The following RFX7 variants were observed in gnomAD, a reference collection of about 807,000 sequenced individuals.
RFX7 encodes the protein DNA-binding protein RFX7.
RFX7 carries 26 observed loss-of-function variants against 111.8 expected under a neutral mutation model. The observed-to-expected ratio is 0.23, with a 90% CI of 0.17 to 0.32. The LOEUF is 0.32. Among genes scored for constraint, RFX7 ranks in the 10% least tolerant of loss-of-function variants. The probability of loss-of-function intolerance (pLI) is 1.00; values close to 1 mark genes in which losing one functional copy is unlikely to be tolerated. For missense variants in RFX7, 1,573 were observed against 1,772.9 expected (o/e 0.89, Z 2.02); for synonymous variants, 624 against 624.4 (o/e 1.00, Z 0.01).
At position 56,172,430 on chromosome 15, in the gene RFX7, T is replaced by TA. The variant is rs533201888; in HGVS notation, c.195+6839dup. ...TTAACTATTCATGAGAATAGGCTAG[T>TA]AAAAAATAAGAAAATAAAGAAGTAG... On this transcript the variant is annotated intron_variant, in intron 3 of 9. Coordinates refer to ENST00000559447, the MANE Select transcript of RFX7 (RefSeq NM_022841.7). 3.7e-3 allele frequency among the ~76,000 whole-genome samples: 555 copies of TA among 151,984 alleles called. 1 individual carries two copies. The highest frequency in any genetic ancestry group is 5.8e-3 in the Non-Finnish European group (391 of 67,934).
At chr15:56,105,898 G>C (rs1282551577) in intron 5 of RFX7, among the ~76,000 whole-genome samples, 1 of 152,116 alleles carries the variant, frequency 6.6e-6, no homozygotes, top group African/African-American at 2.4e-5. Context: ...AAAATTGTTT[G>C]TTAAGAATTC....
At chr15:56,175,572 G>C (rs2042895235) in intron 3 of RFX7, among the ~76,000 whole-genome samples, 2 of 152,018 alleles carry the variant, frequency 1.3e-5, no homozygotes, top group Admixed American at 1.3e-4. Flanking sequence ...TAAGAGCCTA[G>C]AAAAACACCC....
intron 3 of RFX7, among the ~76,000 whole-genome samples, chr15:56,169,407 A>G (rs190117947): frequency 2.1e-3 from 319 of 152,368 alleles, no homozygotes; most frequent in Non-Finnish European, 3.6e-3. Flanking sequence ...TTAGAAACAT[A>G]TATTTATGGA....
chr15:56,235,597 C>G (rs1241808054), intron 2 of RFX7, among the ~76,000 whole-genome samples: 2 of 152,142 alleles, frequency 1.3e-5, no homozygotes, highest in African/African-American at 2.4e-5. Context: ...AGTGACTCTC[C>G]CTCCCCAAGA....
chr15:56,221,770 T>A (rs1380345487), intron 2 of RFX7, among the ~76,000 whole-genome samples: 2 of 152,228 alleles, frequency 1.3e-5, no homozygotes, highest in Non-Finnish European at 2.9e-5. Context: ...CTTAATATTG[T>A]AAGTTCATCA....
At chr15:56,188,817 G>T (rs1173354363) in intron 2 of RFX7, among the ~76,000 whole-genome samples, 4 of 152,166 alleles carry the variant, frequency 2.6e-5, no homozygotes, top group Non-Finnish European at 5.9e-5. Context: ...TAGGGTTACA[G>T]AAGCAATAAA....
chr15:56,178,401 A>G (rs539698705), intron 3 of RFX7, among the ~76,000 whole-genome samples: 4 of 152,254 alleles, frequency 2.6e-5, no homozygotes, highest in Non-Finnish European at 5.9e-5. Flanking sequence ...ACATCATACT[A>G]TTTCAGCACC....
Position 56,234,092 on chromosome 15 carries a change from C to T in RFX7, c.161+9033G>A, listed in dbSNP as rs531176047. Among the ~76,000 whole-genome samples, 66 of 152,292 alleles carry T rather than the reference C, an allele frequency of 4.3e-4. 1 individual carries two copies. The South Asian group carries it at 0.013, about 31-fold the overall frequency. On this transcript the variant is annotated intron_variant, in intron 2 of 9. Transcript: ENST00000559447. Reference sequence around the variant, plus strand: ...CCCATCCCTTGATTTTTCATTAAGGCCACTATCCTGAATTTTGTCAGTAAA... The same window carrying T: ...CCCATCCCTTGATTTTTCATTAAGGTCACTATCCTGAATTTTGTCAGTAAA...
chr15:56,125,610 AGTGTGT>A (rs10564650), intron 5 of RFX7, among the ~76,000 whole-genome samples: 7,018 of 146,994 alleles, frequency 0.048, 384 homozygotes, highest in African/African-American at 0.13. Context: ...TGTGTGTGTG[AGTGTGT>A]GTGTGTGTGT....
chr15:56,136,687 C>T (rs1156326517), intron 5 of RFX7, among the ~76,000 whole-genome samples: 2 of 151,168 alleles, frequency 1.3e-5, no homozygotes, highest in Non-Finnish European at 3.0e-5. Flanking sequence ...GCATCCCTGT[C>T]TTGTGCCAGT....
At chr15:56,120,943 G>A (rs1160256736) in intron 5 of RFX7, among the ~76,000 whole-genome samples, 1 of 152,052 alleles carries the variant, frequency 6.6e-6, no homozygotes, top group Non-Finnish European at 1.5e-5. Flanking sequence ...ATATTTTATT[G>A]TACTATGACT....
At chr15:56,162,115 GTTT>G (rs2042726905) in intron 3 of RFX7, among the ~76,000 whole-genome samples, 1 of 152,040 alleles carries the variant, frequency 6.6e-6, no homozygotes, top group Non-Finnish European at 1.5e-5. Flanking sequence ...TAGTCACTGT[GTTT>G]TTAACTTTTT....
intron 2 of RFX7, among the ~76,000 whole-genome samples, chr15:56,198,847 C>T (rs191403935): frequency 2.6e-5 from 4 of 152,024 alleles, no homozygotes; most frequent in South Asian, 2.1e-4. Flanking sequence ...TGTATACATT[C>T]GAAATTTTTT....
chr15:56,093,133 C>A lies in RFX7; in HGVS notation c.*212G>T. The A allele has an allele frequency of 2.0e-6, 1 of 492,092 alleles. No homozygotes were observed. The highest frequency in any genetic ancestry group is 3.0e-5 in the East Asian group (1 of 32,842). The allele number at this position is 492,092 out of a possible 1,614,324, so 30.5% of individuals were successfully genotyped here. A position where few individuals can be genotyped will look rare whatever the true frequency, so the allele number is the denominator to read the frequency against. On this transcript the variant is annotated 3_prime_UTR_variant, in exon 10 of 10. Transcript: ENST00000559447. ...TGGGGCACATTATAAAATTTAAAACCTAATACTTGTTCTTCTACAGCCTAC... is the reference window on the plus strand; with the variant it reads ...TGGGGCACATTATAAAATTTAAAACATAATACTTGTTCTTCTACAGCCTAC...
chr15:56,161,727 T>C lies in RFX7; in HGVS notation c.196-17244A>G, dbSNP rs190980326. On this transcript the variant is annotated intron_variant, in intron 3 of 9. Transcript: ENST00000559447. ...CACGGTAGAAAGTACCGTAGTATCA[T>C]AGTATCTTTGGCTTCATAAGTGCCA... Among the ~76,000 whole-genome samples, 6 of 152,200 alleles carry C rather than the reference T, an allele frequency of 3.9e-5. No homozygotes were observed. The East Asian group carries it at 7.7e-4, about 20-fold the overall frequency.
intron 2 of RFX7, among the ~76,000 whole-genome samples, chr15:56,233,613 A>T (rs2043591950): frequency 6.6e-6 from 1 of 152,258 alleles, no homozygotes; most frequent in Non-Finnish European, 1.5e-5. Flanking sequence ...AAGAAGGAAA[A>T]GTGATATCTA....
intron 5 of RFX7, among the ~76,000 whole-genome samples, chr15:56,135,172 T>A (rs1187191013): frequency 1.3e-5 from 2 of 149,096 alleles, no homozygotes; most frequent in African/African-American, 2.5e-5. Context: ...TAGTTCTAGA[T>A]CCCTGAGGAA....
At position 56,096,497 on chromosome 15, in the gene RFX7, T is replaced by G. The variant is rs1595920366; in HGVS notation, c.1231A>C (p.Thr411Pro). The change falls in exon 10 of 10, where the codon ACT becomes CCT. Residue 411 changes from threonine (T) to proline (P), a missense_variant. By Grantham distance (38) the Thr-to-Pro change is conservative. This residue lies in a region of RFX7 where 288 missense variants were observed against 337.9 expected (regional missense o/e 0.85). Transcript: ENST00000559447. ...HMQSVKQAPKTPQNVPASPGG... is the reference protein window; with the variant it reads ...HMQSVKQAPKPPQNVPASPGG... ...GGACTGGCTGGAACGTTCTGGGGAG[T>G]CTTTGGTGCCTGTTTCACAGACTGC... 6.2e-7 allele frequency: 1 copy of G among 1,605,254 alleles called. No individual in the cohort carries two copies. The highest frequency in any genetic ancestry group is 8.5e-7 in the Non-Finnish European group (1 of 1,175,934).
chr15:56,110,251 C>A (rs1488707627), intron 5 of RFX7, among the ~76,000 whole-genome samples: 2 of 105,642 alleles, frequency 1.9e-5, no homozygotes. Context: ...CCAGCCGCCC[C>A]GTCCGGGAGG....
Sources: gnomAD v4.1 joint callset for allele counts (sites outside exome capture counted in the v4.1 genomes callset) on GRCh38, gnomAD v4.1.1 for gene constraint, gnomAD v4.1.1 regional missense constraint, MANE v1.5 for transcripts, NCBI Gene and HGNC (gene_info 2026-07-23, HGNC 2026-07-21) for gene names.